Variants in RBFOX1 observed in about 807,000 individuals in gnomAD.
RBFOX1 encodes RNA binding fox-1 homolog 1, also known as RNA binding protein fox-1 homolog 1.
Under a neutral mutation model 57.7 loss-of-function variants are expected in RBFOX1, and 8 were observed. The ratio of observed to expected loss-of-function variants is 0.14; its 90% confidence interval spans 0.08 to 0.25. RBFOX1 has a LOEUF of 0.25. Among genes scored for constraint, RBFOX1 ranks in the 10% least tolerant of loss-of-function variants. RBFOX1 has a pLI of 1.00. For missense variants in RBFOX1, 611 were observed against 548.5 expected (o/e 1.11, Z -1.14); for synonymous variants, 326 against 222.4 (o/e 1.47, Z -4.15).
chr16:7,155,595 GA>G (rs57504385), intron 4 of RBFOX1, among the ~76,000 whole-genome samples: 111 of 121,168 alleles, frequency 9.2e-4, no homozygotes, highest in South Asian at 2.5e-3. Flanking sequence ...GCACTTGTCT[GA>G]AAAAAAAAAA....
chr16:7,296,477 G>C (rs1164243230), intron 4 of RBFOX1, among the ~76,000 whole-genome samples: 1 of 152,052 alleles, frequency 6.6e-6, no homozygotes, highest in African/African-American at 2.4e-5. Context: ...AGAAGTCTGA[G>C]AATCATTATA....
At chr16:7,438,095 G>C (rs1021853953) in intron 4 of RBFOX1, among the ~76,000 whole-genome samples, 6 of 152,154 alleles carry the variant, frequency 3.9e-5, no homozygotes, top group Admixed American at 3.3e-4. Context: ...CGCGATGCTT[G>C]TCTGACATCA....
At chr16:6,077,537 T>G (rs1230003800) in intron 1 of RBFOX1, among the ~76,000 whole-genome samples, 1 of 152,128 alleles carries the variant, frequency 6.6e-6, no homozygotes, top group Non-Finnish European at 1.5e-5. Flanking sequence ...GCCTCCTTCC[T>G]TTAAGATGAT....
At position 7,712,706 on chromosome 16, in the gene RBFOX1, G is replaced by A. The variant is rs1038424374; in HGVS notation, c.*1961G>A. On this transcript the variant is annotated 3_prime_UTR_variant, in exon 16 of 16. Coordinates refer to ENST00000550418, the MANE Select transcript of RBFOX1 (RefSeq NM_018723.4). ...CCCCCACCTGGAAAACAGTGTTATG[G>A]CAATGGGTGCCTGGTTGATGTTCTT... is the stretch of plus-strand genomic sequence containing the variant. 6.6e-6 allele frequency: 1 copy of A among 152,174 alleles called. No individual in the cohort carries two copies. Among genetic ancestry groups the A allele is most frequent in the African/African-American group, 2.4e-5 (1 of 41,430 alleles). The allele number at this position is 152,174 out of a possible 1,614,324, so 9.4% of individuals were successfully genotyped here.
rs10468331 is a variant in RBFOX1 at position 7,414,603 on chromosome 16, G to A, written c.28-103544G>A. On this transcript the variant is annotated intron_variant, in intron 4 of 15. Coordinates refer to ENST00000550418, the MANE Select transcript of RBFOX1 (RefSeq NM_018723.4). ...CCAAACACAATGTTTTTCAAATATT[G>A]TTTTTATTTTATTTTATTTATTTAT... Among the ~76,000 whole-genome samples the A allele has an allele frequency of 6.4e-3, 969 of 151,974 alleles. 8 individuals are homozygous for A. Among genetic ancestry groups the A allele is most frequent in the African/African-American group, 0.021 (872 of 41,408 alleles).
In RBFOX1 at chr16:7,370,713, A is replaced by G. The variant is rs1329226860; in HGVS notation, c.28-147434A>G. On this transcript the variant is annotated intron_variant, in intron 4 of 15. Transcript: ENST00000550418. The stretch of plus-strand genomic sequence containing the variant: ...TGAATTTGAAAGGGACTTGTGAACT[A>G]GTGGCCAGTTTTCCTGTTTAGGTAC... Among the ~76,000 whole-genome samples, 3 of 152,236 alleles carry G rather than the reference A, an allele frequency of 2.0e-5. No homozygotes were observed. In the East Asian group the frequency reaches 5.8e-4, roughly 29 times the overall value.
At chr16:7,373,260 C>G (rs2097606345) in intron 4 of RBFOX1, among the ~76,000 whole-genome samples, 1 of 152,066 alleles carries the variant, frequency 6.6e-6, no homozygotes, top group African/African-American at 2.4e-5. Context: ...AATTCTAAAA[C>G]AACAATTAGT....
intron 2 of RBFOX1, among the ~76,000 whole-genome samples, chr16:5,467,862 A>G (rs2069001431): frequency 6.6e-6 from 1 of 152,216 alleles, no homozygotes; most frequent in African/African-American, 2.4e-5. Flanking sequence ...AGGAAAATTA[A>G]TACAAATGTA....
intron 3 of RBFOX1, among the ~76,000 whole-genome samples, chr16:5,635,203 T>C (rs953711403): frequency 1.3e-5 from 2 of 152,246 alleles, no homozygotes; most frequent in Admixed American, 1.3e-4. Context: ...TCTGTTTGTA[T>C]TGATGGTCAG....
chr16:5,997,052 G>A (rs993172423), intron 4 of RBFOX1, among the ~76,000 whole-genome samples: 2 of 129,208 alleles, frequency 1.5e-5, no homozygotes, highest in Admixed American at 7.9e-5. Context: ...AACTCACCAG[G>A]AAGCACCTCC....
At chr16:7,021,395 T>A (rs1223905121) in intron 3 of RBFOX1, among the ~76,000 whole-genome samples, 1 of 146,856 alleles carries the variant, frequency 6.8e-6, no homozygotes, top group Non-Finnish European at 1.5e-5. Flanking sequence ...TTTTTATTTT[T>A]AAATTTGTTT....
chr16:7,582,836 T>A (rs2093881211), intron 6 of RBFOX1, among the ~76,000 whole-genome samples: 1 of 152,172 alleles, frequency 6.6e-6, no homozygotes, highest in Non-Finnish European at 1.5e-5. Flanking sequence ...TTGTCTCTTG[T>A]TAAATATAGG....
At chr16:5,493,640 C>G (rs765376979) in intron 2 of RBFOX1, among the ~76,000 whole-genome samples, 1 of 152,156 alleles carries the variant, frequency 6.6e-6, no homozygotes, top group African/African-American at 2.4e-5. Context: ...ATGACAATAC[C>G]GATCTGTCAA....
Position 7,258,410 on chromosome 16 carries a change from A to G in RBFOX1, c.27+206312A>G, listed in dbSNP as rs141373017. Among the ~76,000 whole-genome samples the G allele has an allele frequency of 2.0e-4, 31 of 152,306 alleles. No homozygotes were observed. The East Asian group carries it at 5.2e-3, about 26-fold the overall frequency. On this transcript the variant is annotated intron_variant, in intron 4 of 15. Coordinates refer to ENST00000550418, the MANE Select transcript of RBFOX1 (RefSeq NM_018723.4). ...TACACTTAACTTGGGAAGATTTGAC[A>G]TTCTGTTTCACTGTGTGCATTATTT...
intron 14 of RBFOX1, among the ~76,000 whole-genome samples, chr16:7,694,209 C>A (rs996811969): frequency 6.6e-6 from 1 of 152,092 alleles, no homozygotes; most frequent in Non-Finnish European, 1.5e-5. Flanking sequence ...TTTCAGCCTG[C>A]GAGGGAGGAC....
chr16:6,385,752 C>T (rs1251189216), intron 2 of RBFOX1, among the ~76,000 whole-genome samples: 2 of 152,156 alleles, frequency 1.3e-5, no homozygotes, highest in Non-Finnish European at 2.9e-5. Flanking sequence ...TCATGCGTCA[C>T]GTCTACACAT....
At chr16:5,869,246 C>G (rs2057410661) in intron 4 of RBFOX1, among the ~76,000 whole-genome samples, 1 of 152,116 alleles carries the variant, frequency 6.6e-6, no homozygotes, top group Non-Finnish European at 1.5e-5. Flanking sequence ...TGTCCTGTTT[C>G]TCTGTGGTCA....
At chr16:5,625,199 C>A (rs1404928801) in intron 3 of RBFOX1, among the ~76,000 whole-genome samples, 1 of 151,666 alleles carries the variant, frequency 6.6e-6, no homozygotes, top group East Asian at 1.9e-4. Context: ...ATGAGCCCCC[C>A]AGAACAGGGC....
At chr16:7,036,739 AAAAAAAG>A (rs1568473565) in intron 3 of RBFOX1, among the ~76,000 whole-genome samples, 6 of 121,208 alleles carry the variant, frequency 5.0e-5, no homozygotes, top group Non-Finnish European at 1.2e-4. Flanking sequence ...ACAAAGAAAA[AAAAAAAG>A]AAAGAATTCA....
Sources: gnomAD v4.1 joint callset for allele counts (sites outside exome capture counted in the v4.1 genomes callset) on GRCh38, gnomAD v4.1.1 for gene constraint, MANE v1.5 for transcripts, NCBI Gene and HGNC (gene_info 2026-07-23, HGNC 2026-07-21) for gene names.